ADGRL3: variants seen among roughly 807,000 people sequenced by gnomAD.
The protein encoded by ADGRL3 is calcium-independent alpha-latrotoxin receptor 3.
ADGRL3 carries 62 observed loss-of-function variants against 153.5 expected under a neutral mutation model. The observed-to-expected ratio is 0.40, with a 90% confidence interval of 0.33 to 0.50. ADGRL3 has a LOEUF of 0.50. Ranked by LOEUF, ADGRL3 falls within the 20% of genes least tolerant of loss-of-function variation. The probability of loss-of-function intolerance (pLI) is 0.47; values close to 1 mark genes in which losing one functional copy is unlikely to be tolerated. For missense variants in ADGRL3, 1,641 were observed against 1,859.4 expected (o/e 0.88, Z 2.16); for synonymous variants, 710 against 672.5 (o/e 1.06, Z -0.86).
chr4:61,371,603 G>A (rs1343655071), intron 1 of ADGRL3, among the ~76,000 whole-genome samples: 1 of 152,170 alleles, frequency 6.6e-6, no homozygotes, highest in Non-Finnish European at 1.5e-5. Context: ...GAGATCTGCT[G>A]TTAGTCTGAT....
At chr4:61,245,462 G>A (rs374326809) in intron 1 of ADGRL3, among the ~76,000 whole-genome samples, 4 of 152,056 alleles carry the variant, frequency 2.6e-5, no homozygotes, top group South Asian at 2.1e-4. Flanking sequence ...CCTGTCCATC[G>A]TCCTCATGTC....
Position 61,621,892 on chromosome 4 carries a change from A to G in ADGRL3, c.473+34452A>G, listed in dbSNP as rs958125116. 2.6e-5 allele frequency among the ~76,000 whole-genome samples: 4 copies of G among 152,260 alleles called. No individual in the cohort carries two copies. In the East Asian group the frequency reaches 7.7e-4, roughly 29 times the overall value. ...AAAGGCAATTAATCCCCACCTCCAG[A>G]ATTAATTCATGTGAAGACTAAGGGT... On this transcript the variant is annotated intron_variant, in intron 5 of 26. Transcript: ENST00000683033.
At chr4:61,854,882 A>C (rs1008909777) in intron 9 of ADGRL3, among the ~76,000 whole-genome samples, 1 of 152,176 alleles carries the variant, frequency 6.6e-6, no homozygotes, top group South Asian at 2.1e-4. Flanking sequence ...TCCTTCCAAA[A>C]ATCTATGATC....
At chr4:61,246,051 ACTTTT>A (rs1360681661) in intron 1 of ADGRL3, among the ~76,000 whole-genome samples, 1 of 151,900 alleles carries the variant, frequency 6.6e-6, no homozygotes, top group African/African-American at 2.4e-5. Flanking sequence ...CCTTATCATC[ACTTTT>A]CTTTTCTACT....
chr4:61,897,796 C>T (rs2098640360), intron 11 of ADGRL3, among the ~76,000 whole-genome samples: 1 of 152,018 alleles, frequency 6.6e-6, no homozygotes, highest in African/African-American at 2.4e-5. Flanking sequence ...CTGTGTAGTA[C>T]CAGAGTCCAC....
chr4:61,298,800 A>G (rs546427695), intron 1 of ADGRL3, among the ~76,000 whole-genome samples: 1 of 152,286 alleles, frequency 6.6e-6, no homozygotes, highest in South Asian at 2.1e-4. Flanking sequence ...GTTGAAAATT[A>G]ATTGATTAGA....
chr4:61,300,449 C>T (rs911266580), intron 1 of ADGRL3, among the ~76,000 whole-genome samples: 1 of 152,110 alleles, frequency 6.6e-6, no homozygotes, highest in Non-Finnish European at 1.5e-5. Context: ...AAATCAATAT[C>T]CTTTAGATTG....
intron 6 of ADGRL3, among the ~76,000 whole-genome samples, chr4:61,682,235 T>G (rs536621320): frequency 2.0e-5 from 3 of 152,104 alleles, no homozygotes; most frequent in Non-Finnish European, 4.4e-5. Context: ...GTATTGTCCC[T>G]TGTTTAAATG....
chr4:61,458,523 T>C (rs2097777632), intron 2 of ADGRL3, among the ~76,000 whole-genome samples: 1 of 151,410 alleles, frequency 6.6e-6, no homozygotes, highest in Admixed American at 6.6e-5. Context: ...ATATTCTTGG[T>C]TCCCATGATT....
At chr4:61,884,244 GTACATA>G (rs965539246) in intron 9 of ADGRL3, among the ~76,000 whole-genome samples, 1 of 152,084 alleles carries the variant, frequency 6.6e-6, no homozygotes, top group African/African-American at 2.4e-5. Flanking sequence ...GAAAATATGG[GTACATA>G]TAGGTTCTTG....
At chr4:61,984,424 T>A (rs976713071) in intron 19 of ADGRL3, among the ~76,000 whole-genome samples, 1 of 152,084 alleles carries the variant, frequency 6.6e-6, no homozygotes, top group Non-Finnish European at 1.5e-5. Flanking sequence ...ACACCATCAG[T>A]GGCCAGACAC....
At chr4:62,010,710 C>CA (rs2099181837) in intron 21 of ADGRL3, among the ~76,000 whole-genome samples, 6 of 151,608 alleles carry the variant, frequency 4.0e-5, no homozygotes, top group Non-Finnish European at 8.8e-5. Context: ...GAAAAGGGAA[C>CA]ATTTAATTAT....
intron 4 of ADGRL3, among the ~76,000 whole-genome samples, chr4:61,566,563 C>G (rs1304432072): frequency 1.3e-5 from 2 of 151,944 alleles, no homozygotes; most frequent in South Asian, 2.1e-4. Flanking sequence ...AAATATCAAC[C>G]TTTTCGTGGT....
chr4:61,853,293 C>G (rs1164721070), intron 9 of ADGRL3, among the ~76,000 whole-genome samples: 1 of 152,100 alleles, frequency 6.6e-6, no homozygotes, highest in Non-Finnish European at 1.5e-5. Flanking sequence ...TCCTATCGCT[C>G]ATGAAATTCT....
At chr4:61,575,311 C>A (rs545345338) in intron 4 of ADGRL3, among the ~76,000 whole-genome samples, 2 of 151,874 alleles carry the variant, frequency 1.3e-5, no homozygotes, top group African/African-American at 4.8e-5. Context: ...AGAACAGATG[C>A]TTTATGAGAT....
At chr4:61,589,685 T>C (rs569554003) in intron 5 of ADGRL3, among the ~76,000 whole-genome samples, 3 of 152,202 alleles carry the variant, frequency 2.0e-5, no homozygotes, top group South Asian at 2.1e-4. Context: ...ACCGTATTCT[T>C]GTATAACCTT....
intron 4 of ADGRL3, among the ~76,000 whole-genome samples, chr4:61,544,469 C>A (rs560088752): frequency 6.6e-6 from 1 of 152,194 alleles, no homozygotes; most frequent in African/African-American, 2.4e-5. Flanking sequence ...TAAGCCTTTG[C>A]CATTTTCAAA....
chr4:61,253,360 G>GAC (rs1449951753), intron 1 of ADGRL3, among the ~76,000 whole-genome samples: 1 of 152,094 alleles, frequency 6.6e-6, no homozygotes, highest in African/African-American at 2.4e-5. Context: ...GAATGAGTAG[G>GAC]ACATTCATTA....
intron 4 of ADGRL3, among the ~76,000 whole-genome samples, chr4:61,549,932 T>G (rs968182946): frequency 6.6e-6 from 1 of 152,002 alleles, no homozygotes; most frequent in African/African-American, 2.4e-5. Context: ...TAAATAAAAT[T>G]TATGTGGCTC....
Sources: allele counts gnomAD v4.1 joint callset (sites outside exome capture counted in the v4.1 genomes callset), GRCh38; gene constraint gnomAD v4.1.1; transcripts MANE v1.5; gene names NCBI Gene and HGNC (gene_info 2026-07-23, HGNC 2026-07-21).